TNNI3K: variants seen among roughly 807,000 people sequenced by gnomAD.
The protein encoded by TNNI3K is serine/threonine-protein kinase TNNI3K.
In TNNI3K, 140 loss-of-function variants were observed where a neutral mutation model predicts 114.5. That is an observed-to-expected ratio of 1.22 (90% CI 1.07 to 1.41). The LOEUF (loss-of-function observed/expected upper bound fraction) is 1.41. Among genes scored for constraint, TNNI3K ranks in the 40% most tolerant of loss-of-function variants. TNNI3K has a pLI of 0.00. For synonymous variants in TNNI3K, 347 were observed against 347.5 expected (o/e 1.00, Z 0.02); for missense variants, 1,125 against 1,007.6 (o/e 1.12, Z -1.58).
At chr1:74,440,593 A>G (rs986967893) in intron 20 of TNNI3K, among the ~76,000 whole-genome samples, 2 of 152,004 alleles carry the variant, frequency 1.3e-5, no homozygotes, top group Non-Finnish European at 2.9e-5. Flanking sequence ...CCAACCTACC[A>G]TATGGTCTTT....
rs961925593 is a variant in TNNI3K, at chr1:74,298,892, C to T, written c.444+27184C>T. On this transcript the variant is annotated intron_variant, in intron 5 of 24. Coordinates refer to ENST00000326637, the MANE Select transcript of TNNI3K (RefSeq NM_015978.3). Reference sequence around the variant, plus strand: ...GCATCAATGTATCTTCTAAAAGTGCCATAAATAAGATACCAGTTGGCAGAT... The same window carrying T: ...GCATCAATGTATCTTCTAAAAGTGCTATAAATAAGATACCAGTTGGCAGAT... Among the ~76,000 whole-genome samples the T allele has an allele frequency of 2.0e-5, 3 of 151,972 alleles. No individual in the cohort carries two copies. The South Asian group carries it at 6.2e-4, about 32-fold the overall frequency.
At chr1:74,400,899 A>T (rs1379036526) in intron 17 of TNNI3K, among the ~76,000 whole-genome samples, 1 of 152,114 alleles carries the variant, frequency 6.6e-6, no homozygotes, top group East Asian at 1.9e-4. Context: ...CATTCCATTC[A>T]CCCTGGCATT....
Position 74,367,323 on chromosome 1 carries a change from A to G in TNNI3K, c.1245A>G (p.Glu415=). ...KRPQDELPCN[E]YSQPGGDGSY... is the part of the protein sequence containing the mutation. ...CACAAGATGAATTGCCCTGTAATGA[A>G]TATTCTCAGCCTGGAGGAGGTACCC... The change falls in exon 12 of 25, where the codon GAA becomes GAG. Residue 415 remains glutamate (E), a synonymous_variant. Transcript: ENST00000326637. 2.5e-6 allele frequency: 4 copies of G among 1,612,190 alleles called. No homozygotes were observed. The highest frequency in any genetic ancestry group is 1.1e-5 in the South Asian group (1 of 91,030).
intron 18 of TNNI3K, 97 bp from the exon 19 acceptor site, chr1:74,436,377 G>A: frequency 7.3e-7 from 1 of 1,368,878 alleles, no homozygotes; most frequent in Non-Finnish European, 9.8e-7. Flanking sequence ...ATTTGAATAA[G>A]ACAGAAGTCT....
At chr1:74,312,658 T>C (rs189090493) in intron 5 of TNNI3K, among the ~76,000 whole-genome samples, 13 of 152,356 alleles carry the variant, frequency 8.5e-5, no homozygotes, top group African/African-American at 2.9e-4. Context: ...TATTTTCTAA[T>C]TGGCAAAACT....
chr1:74,272,532 C>G lies in TNNI3K; in HGVS notation c.444+824C>G, dbSNP rs45499499. 2.1e-3 allele frequency among the ~76,000 whole-genome samples: 311 copies of G among 150,338 alleles called. 1 individual carries two copies. Among genetic ancestry groups the G allele is most frequent in the Middle Eastern group, 0.01 (3 of 288 alleles). ...ATGGCACTTGCAAGGACCCTGAGGC[C>G]TAAAAAGGCTGGGTGTGTTTGAGGG... is the stretch of plus-strand genomic sequence containing the variant. On this transcript the variant is annotated intron_variant, in intron 5 of 24. Transcript: ENST00000326637.
At chr1:74,357,016 T>G (rs1557517978) in intron 11 of TNNI3K, among the ~76,000 whole-genome samples, 1 of 152,174 alleles carries the variant, frequency 6.6e-6, no homozygotes, top group Non-Finnish European at 1.5e-5. Flanking sequence ...CCTAAAAAAA[T>G]GTTGCATTGT....
intron 17 of TNNI3K, among the ~76,000 whole-genome samples, chr1:74,409,940 T>C (rs941181245): frequency 6.6e-5 from 10 of 152,200 alleles, no homozygotes; most frequent in African/African-American, 2.4e-4. Context: ...GCACCAAGAT[T>C]CCAACTGATT....
rs765190191 is a variant in TNNI3K at position 74,271,682 on chromosome 1, AT to A, written c.420del (p.Ile140MetfsTer4). On this transcript the variant is annotated frameshift_variant, in exon 5 of 25. Coordinates refer to ENST00000326637, the MANE Select transcript of TNNI3K (RefSeq NM_015978.3). LOFTEE classifies it high-confidence loss of function. ...ATACGGTGGCCTCACTGCCCTCCAT[AT>A]TGCTACAATAGCTGGCCACCTAGAG... is the stretch of plus-strand genomic sequence containing the variant. ...VGYGGLTALHIATIAGHLEAA... is the reference protein window; with the variant it reads ...VGYGGLTALHXATIAGHLEAA... 2 of 1,608,298 alleles carry A rather than the reference AT, an allele frequency of 1.2e-6. No individual in the cohort carries two copies. Among genetic ancestry groups the A allele is most frequent in the African/African-American group, 2.7e-5 (2 of 74,662 alleles).
intron 23 of TNNI3K, among the ~76,000 whole-genome samples, chr1:74,518,873 C>T (rs896004913): frequency 6.0e-5 from 6 of 100,350 alleles, no homozygotes; most frequent in African/African-American, 1.6e-4. Flanking sequence ...TTTTTTTTCC[C>T]CTTTTTTTTT....
intron 17 of TNNI3K, among the ~76,000 whole-genome samples, chr1:74,417,640 A>G (rs1665182093): frequency 6.6e-6 from 1 of 151,316 alleles, no homozygotes; most frequent in South Asian, 2.1e-4. Context: ...ACAGGGTTAC[A>G]TGCTATGATG....
At chr1:74,488,139 A>T (rs1668861012) in intron 21 of TNNI3K, among the ~76,000 whole-genome samples, 1 of 152,138 alleles carries the variant, frequency 6.6e-6, no homozygotes, top group African/African-American at 2.4e-5. Flanking sequence ...TCCCCAAAGA[A>T]TGAGGGGGTG....
intron 6 of TNNI3K, 135 bp from the exon 7 acceptor site, chr1:74,335,876 C>T: frequency 1.1e-6 from 1 of 878,726 alleles, no homozygotes; most frequent in Non-Finnish European, 1.6e-6. Context: ...AGAATTGTTC[C>T]AGTTTTGGAC....
intron 2 of TNNI3K, among the ~76,000 whole-genome samples, chr1:74,245,420 T>G (rs1281822516): frequency 6.6e-6 from 1 of 152,154 alleles, no homozygotes. Context: ...AAAGCTAAAA[T>G]TCTCGACCTC....
chr1:74,393,444 A>G (rs530980111), intron 17 of TNNI3K, among the ~76,000 whole-genome samples: 2 of 152,288 alleles, frequency 1.3e-5, no homozygotes, highest in South Asian at 4.1e-4. Context: ...GGGGTGGAGA[A>G]AGGGCTACTT....
intron 21 of TNNI3K, chr1:74,464,683 A>G (rs749080464): frequency 1.3e-6 from 2 of 1,597,302 alleles, no homozygotes; most frequent in East Asian, 2.2e-5. Context: ...GTACACAGAA[A>G]CTCTTAAGAA....
rs374599374 is a variant in TNNI3K, at chr1:74,403,096, TTCTA to T, written c.1772+32710_1772+32713del. Among the ~76,000 whole-genome samples the T allele has an allele frequency of 9.2e-5, 14 of 152,314 alleles. No homozygotes were observed. In the East Asian group the frequency reaches 1.2e-3, roughly 13 times the overall value. On this transcript the variant is annotated intron_variant, in intron 17 of 24. Coordinates refer to ENST00000326637, the MANE Select transcript of TNNI3K (RefSeq NM_015978.3). ...CATTTTTTACATGTCTCTTGGTGTGTTCTATCTATGTGCTTCTGGGTATTTTATT... is the reference window on the plus strand; with the variant it reads ...CATTTTTTACATGTCTCTTGGTGTGTTCTATGTGCTTCTGGGTATTTTATT...
chr1:74,368,649 G>T (rs1463787019), intron 13 of TNNI3K, among the ~76,000 whole-genome samples: 1 of 151,824 alleles, frequency 6.6e-6, no homozygotes, highest in Admixed American at 6.6e-5. Flanking sequence ...GCCATGTCAT[G>T]CAGGAATAGA....
intron 17 of TNNI3K, among the ~76,000 whole-genome samples, chr1:74,431,689 T>C (rs1665906732): frequency 6.6e-6 from 1 of 152,102 alleles, no homozygotes; most frequent in African/African-American, 2.4e-5. Context: ...GTAAATGCGC[T>C]TCTAGCATAT....
Sources: allele counts gnomAD v4.1 joint callset (sites outside exome capture counted in the v4.1 genomes callset), GRCh38; gene constraint gnomAD v4.1.1; transcripts MANE v1.5; gene names NCBI Gene and HGNC (gene_info 2026-07-23, HGNC 2026-07-21).